Variants in RASAL2 observed in about 807,000 individuals in gnomAD.
RASAL2 encodes the protein RAS protein activator like 2.
A neutral mutation model predicts 128.9 loss-of-function variants in RASAL2; 58 were observed. The ratio of observed to expected loss-of-function variants is 0.45; its 90% CI spans 0.36 to 0.56. The LOEUF is 0.56. Ranked by LOEUF, RASAL2 falls within the 20% of genes least tolerant of loss-of-function variation. The pLI, the probability that RASAL2 is intolerant of heterozygous loss-of-function variation, is 0.00. For missense variants in RASAL2, 1,360 were observed against 1,601.6 expected, an observed-to-expected ratio of 0.85 and a Z score of 2.57; for synonymous variants, 561 against 580.8, an observed-to-expected ratio of 0.97 and a Z score of 0.49.
chr1:178,309,953 A>G (rs183980345), intron 3 of RASAL2, among the ~76,000 whole-genome samples: 44 of 152,296 alleles, frequency 2.9e-4, no homozygotes, highest in South Asian at 1.7e-3. Context: ...GAACTGAGGC[A>G]GCTGGTAGAT....
At chr1:178,380,318 A>G (rs1672212961) in intron 3 of RASAL2, among the ~76,000 whole-genome samples, 1 of 152,206 alleles carries the variant, frequency 6.6e-6, no homozygotes, top group South Asian at 2.1e-4. Flanking sequence ...TAATAGAGAG[A>G]TCAAAAGAAA....
intron 1 of RASAL2, among the ~76,000 whole-genome samples, chr1:178,139,563 A>G (rs1392787616): frequency 1.3e-5 from 2 of 152,120 alleles, no homozygotes; most frequent in Non-Finnish European, 2.9e-5. Flanking sequence ...GTTATTGACA[A>G]AATATTTTCC....
intron 1 of RASAL2, among the ~76,000 whole-genome samples, chr1:178,236,151 T>G (rs1003704351): frequency 2.0e-5 from 3 of 152,156 alleles, no homozygotes; most frequent in African/African-American, 7.2e-5. Context: ...TGTTCAGATA[T>G]TAGGTGCAAA....
intron 5 of RASAL2, among the ~76,000 whole-genome samples, chr1:178,422,090 C>G (rs980537230): frequency 6.6e-6 from 1 of 151,924 alleles, no homozygotes; most frequent in Non-Finnish European, 1.5e-5. Flanking sequence ...ATTTCTTAAA[C>G]TCTGCAGCAT....
rs1203339828 is a variant in RASAL2 at position 178,244,093 on chromosome 1, A to G, written c.203-39471A>G. Among the ~76,000 whole-genome samples the G allele has an allele frequency of 3.9e-5, 6 of 152,178 alleles. 1 individual carries two copies. The South Asian group carries it at 6.2e-4, about 16-fold the overall frequency. ...ATTTTATCTTTTTGCAAGATTAGCAATTTAACCCTTCAGTCAGTTTGCACT... is the reference window on the plus strand; with the variant it reads ...ATTTTATCTTTTTGCAAGATTAGCAGTTTAACCCTTCAGTCAGTTTGCACT... On this transcript the variant is annotated intron_variant, in intron 1 of 17. Transcript: ENST00000367649.
At chr1:178,461,638 CTTTT>C (rs1279791865) in intron 14 of RASAL2, among the ~76,000 whole-genome samples, 1 of 151,948 alleles carries the variant, frequency 6.6e-6, no homozygotes, top group Non-Finnish European at 1.5e-5. Flanking sequence ...TTGAAGAGAC[CTTTT>C]AAAATAGATA....
intron 1 of RASAL2, among the ~76,000 whole-genome samples, chr1:178,228,991 G>A (rs1468479444): frequency 6.6e-6 from 1 of 152,120 alleles, no homozygotes; most frequent in Non-Finnish European, 1.5e-5. Context: ...ATTTTAATGT[G>A]ATTTCAAACC....
At position 178,420,844 on chromosome 1, in the gene RASAL2, T is replaced by C. The variant is rs549095230; in HGVS notation, c.674+224T>C. On this transcript the variant is annotated intron_variant, in intron 5 of 17. Coordinates refer to ENST00000367649, the MANE Select transcript of RASAL2 (RefSeq NM_170692.4). ...GGAGAGTTTGTGGATACATAAAAAC[T>C]AATTTCAGAGTCAGTTAAGCTATTT... Among the ~76,000 whole-genome samples the C allele has an allele frequency of 2.6e-5, 4 of 152,312 alleles. No homozygotes were observed. In the East Asian group the frequency reaches 7.7e-4, roughly 29 times the overall value.
At chr1:178,334,378 A>G (rs1669482582) in intron 3 of RASAL2, among the ~76,000 whole-genome samples, 1 of 149,088 alleles carries the variant, frequency 6.7e-6, no homozygotes, top group Non-Finnish European at 1.5e-5. Flanking sequence ...TGCTCTTGTC[A>G]CCCAGGCCGG....
intron 1 of RASAL2, among the ~76,000 whole-genome samples, chr1:178,271,298 C>A (rs1303386506): frequency 1.3e-5 from 2 of 152,172 alleles, no homozygotes; most frequent in African/African-American, 2.4e-5. Context: ...CATGTTTCTT[C>A]TAGCTTTTAA....
At chr1:178,190,478 T>G (rs758734110) in intron 1 of RASAL2, among the ~76,000 whole-genome samples, 5 of 152,202 alleles carry the variant, frequency 3.3e-5, no homozygotes, top group Non-Finnish European at 7.4e-5. Context: ...GTTTTGTAAT[T>G]CCTATCAAAT....
At chr1:178,455,458 C>G (rs765728247) in intron 12 of RASAL2, among the ~76,000 whole-genome samples, 1 of 152,138 alleles carries the variant, frequency 6.6e-6, no homozygotes, top group Non-Finnish European at 1.5e-5. Context: ...ATTTTCCTAT[C>G]AATAAAAATG....
intron 1 of RASAL2, among the ~76,000 whole-genome samples, chr1:178,171,623 G>A (rs774685578): frequency 2.0e-5 from 3 of 151,944 alleles, no homozygotes; most frequent in Non-Finnish European, 4.4e-5. Flanking sequence ...CTGTGGCAAA[G>A]TTCTTTATCC....
chr1:178,310,477 A>G (rs1668188871), intron 3 of RASAL2, among the ~76,000 whole-genome samples: 1 of 152,198 alleles, frequency 6.6e-6, no homozygotes, highest in African/African-American at 2.4e-5. Flanking sequence ...AAAATAAAAA[A>G]AAACTAGTAC....
At chr1:178,157,668 C>CT (rs1460634112) in intron 1 of RASAL2, among the ~76,000 whole-genome samples, 5 of 152,104 alleles carry the variant, frequency 3.3e-5, no homozygotes, top group African/African-American at 1.2e-4. Context: ...CTTTAACTCC[C>CT]TGAGTACATA....
intron 5 of RASAL2, among the ~76,000 whole-genome samples, chr1:178,431,083 A>G (rs1238666825): frequency 6.6e-6 from 1 of 152,036 alleles, no homozygotes; most frequent in Non-Finnish European, 1.5e-5. Context: ...AAAAATCCAA[A>G]TGGATTGAAT....
chr1:178,214,013 T>C (rs1047698754), intron 1 of RASAL2, among the ~76,000 whole-genome samples: 1 of 151,928 alleles, frequency 6.6e-6, no homozygotes, highest in African/African-American at 2.4e-5. Context: ...TCCCAAAGGA[T>C]TGATAGCAAT....
chr1:178,245,975 T>C (rs1664750333), intron 1 of RASAL2, among the ~76,000 whole-genome samples: 1 of 152,212 alleles, frequency 6.6e-6, no homozygotes, highest in Non-Finnish European at 1.5e-5. Flanking sequence ...TGTAGCCTTG[T>C]AGTATAGTTT....
At chr1:178,429,850 T>G (rs950288668) in intron 5 of RASAL2, among the ~76,000 whole-genome samples, 2 of 152,104 alleles carry the variant, frequency 1.3e-5, no homozygotes, top group Non-Finnish European at 2.9e-5. Flanking sequence ...CAAGCTCACT[T>G]CTAGTTCATC....
Sources: allele counts gnomAD v4.1 joint callset (sites outside exome capture counted in the v4.1 genomes callset), GRCh38; gene constraint gnomAD v4.1.1; transcripts MANE v1.5; gene names NCBI Gene and HGNC (gene_info 2026-07-23, HGNC 2026-07-21).